Variants in SHB observed in about 807,000 individuals in gnomAD.
The protein encoded by SHB is SH2 domain-containing adapter protein B.
SHB carries 20 observed loss-of-function variants against 52.3 expected under a neutral mutation model. The observed-to-expected ratio is 0.38, with a 90% CI of 0.27 to 0.56. The LOEUF is 0.56. Ranked by LOEUF, SHB falls within the 20% of genes least tolerant of loss-of-function variation. The pLI is 0.71. For missense variants in SHB, 825 were observed against 723.3 expected (o/e 1.14, Z -1.61); for synonymous variants, 397 against 316.5 (o/e 1.25, Z -2.70).
chr9:38,022,911 G>A (rs545611244), intron 1 of SHB, among the ~76,000 whole-genome samples: 1 of 152,216 alleles, frequency 6.6e-6, no homozygotes, highest in African/African-American at 2.4e-5. Context: ...GAGGCTCTAA[G>A]ATGGGCTTCT....
chr9:38,050,354 A>G (rs1329843476), intron 1 of SHB, among the ~76,000 whole-genome samples: 1 of 152,186 alleles, frequency 6.6e-6, no homozygotes, highest in Non-Finnish European at 1.5e-5. Flanking sequence ...TAATAATGAC[A>G]ATCTAATTTG....
chr9:37,936,739 T>C (rs995696480), intron 5 of SHB: 13 of 152,320 alleles, frequency 8.5e-5, no homozygotes, highest in African/African-American at 3.1e-4. Flanking sequence ...GAAAATCTGC[T>C]AGACAAATTC....
At chr9:37,950,247 T>C (rs1197571814) in intron 4 of SHB, among the ~76,000 whole-genome samples, 1 of 151,878 alleles carries the variant, frequency 6.6e-6, no homozygotes, top group Non-Finnish European at 1.5e-5. Context: ...TGATTTTCCT[T>C]GTGTGTGTGT....
At chr9:37,948,313 T>C (rs1293593272) in intron 5 of SHB, among the ~76,000 whole-genome samples, 1 of 152,150 alleles carries the variant, frequency 6.6e-6, no homozygotes, top group African/African-American at 2.4e-5. Context: ...AGGACCATCG[T>C]CGTGGGCTTT....
In SHB at chr9:37,987,544, C is replaced by T. The variant is rs74908460; in HGVS notation, c.839-12707G>A. On this transcript the variant is annotated intron_variant, in intron 2 of 5. Coordinates refer to ENST00000377707, the MANE Select transcript of SHB (RefSeq NM_003028.3). ...CAGGCACTGAAGAGCCCAGTCCCAG[C>T]TCCAGCTCTGTCCGGATCCCACAAG... 7.2e-3 allele frequency among the ~76,000 whole-genome samples: 1,094 copies of T among 152,354 alleles called. 19 individuals carry two copies. The highest frequency in any genetic ancestry group is 0.039 in the Admixed American group (604 of 15,306).
At chr9:38,037,096 G>A (rs780663063) in intron 1 of SHB, among the ~76,000 whole-genome samples, 2 of 152,200 alleles carry the variant, frequency 1.3e-5, no homozygotes, top group Non-Finnish European at 2.9e-5. Flanking sequence ...GTACTGCCCT[G>A]TAGACAGCCT....
rs186201418 is a variant in SHB, at chr9:37,918,374, C to T, written c.*1447G>A. Among the ~76,000 whole-genome samples, 99 of 139,138 alleles carry T rather than the reference C, an allele frequency of 7.1e-4. 1 individual carries two copies. The highest frequency in any genetic ancestry group is 2.4e-3 in the African/African-American group (86 of 35,936). The allele number at this position is 139,138 out of a possible 152,430, so 91.3% of individuals were successfully genotyped here. On this transcript the variant is annotated 3_prime_UTR_variant, in exon 6 of 6. Coordinates refer to ENST00000377707, the MANE Select transcript of SHB (RefSeq NM_003028.3). ...AAGAGAGAGGTCGCGTGTGCGTGTG[C>T]GTGTGTAGGTGTTCTTGTGTGTGGA...
intron 3 of SHB, among the ~76,000 whole-genome samples, chr9:37,966,053 G>T (rs1820515315): frequency 6.6e-6 from 1 of 152,180 alleles, no homozygotes. Flanking sequence ...TGGCCAGGCT[G>T]GTCTCGAGCT....
Position 38,068,604 on chromosome 9 carries a change from G to A in SHB, c.42C>T (p.Ser14=). The change falls in exon 1 of 6, where the codon AGC becomes AGT. Residue 14 remains serine (S), a synonymous_variant. Transcript: ENST00000377707. ...WLNKYFSLGN[S]KTKSPPQPPR... Reference sequence around the variant, plus strand: ...GCGGCTGCGGGGGGCTCTTGGTCTTGCTGTTGCCCAAGCTGAAGTACTTGT... The same window carrying A: ...GCGGCTGCGGGGGGCTCTTGGTCTTACTGTTGCCCAAGCTGAAGTACTTGT... 6.7e-7 allele frequency: 1 copy of A among 1,493,116 alleles called. No homozygotes were observed. The highest frequency in any genetic ancestry group is 2.7e-5 in the East Asian group (1 of 36,458). The allele number at this position is 1,493,116 out of a possible 1,614,324, so 92.5% of individuals were successfully genotyped here. A position where few individuals can be genotyped will look rare whatever the true frequency, so the allele number is the denominator to read the frequency against.
intron 2 of SHB, among the ~76,000 whole-genome samples, chr9:37,998,205 T>TGGAGGGA (rs56670029): frequency 0.15 from 21,621 of 148,940 alleles, 2,011 homozygotes; most frequent in South Asian, 0.23. Context: ...GCAGGCAGCT[T>TGGAGGGA]GGAGGGAGGA....
chr9:38,041,292 G>A (rs1030410768), intron 1 of SHB, among the ~76,000 whole-genome samples: 2 of 152,184 alleles, frequency 1.3e-5, no homozygotes, highest in African/African-American at 4.8e-5. Context: ...CACACGCACC[G>A]GTGAATCCAC....
chr9:37,952,252 A>G (rs1041748620), intron 4 of SHB, among the ~76,000 whole-genome samples: 2 of 152,208 alleles, frequency 1.3e-5, no homozygotes, highest in Non-Finnish European at 2.9e-5. Flanking sequence ...ATGCCCGCTT[A>G]GAAATGAATG....
At chr9:37,968,241 T>C (rs1055005976) in intron 3 of SHB, among the ~76,000 whole-genome samples, 1 of 152,236 alleles carries the variant, frequency 6.6e-6, no homozygotes, top group Non-Finnish European at 1.5e-5. Flanking sequence ...TGTTTTTATT[T>C]AATCAACACA....
At chr9:37,962,414 T>C (rs1486953429) in intron 3 of SHB, among the ~76,000 whole-genome samples, 1 of 152,206 alleles carries the variant, frequency 6.6e-6, no homozygotes, top group Admixed American at 6.5e-5. Flanking sequence ...TCAGCAGGAC[T>C]GTAAATCTTC....
chr9:37,948,760 GAGAGGGCAGAGAGTGGTC>G lies in SHB; in HGVS notation c.1227-24_1227-7del, dbSNP rs753434339. 1 of 1,613,588 alleles carries G rather than the reference GAGAGGGCAGAGAGTGGTC, an allele frequency of 6.2e-7. No homozygotes were observed. The highest frequency in any genetic ancestry group is 8.5e-7 in the Non-Finnish European group (1 of 1,180,002). On this transcript the variant is annotated splice_region_variant and splice_polypyrimidine_tract_variant and intron_variant, in intron 4 of 5. Transcript: ENST00000377707. ...TGATGGCTCCGTGATACCATCTGTGGAGAGGGCAGAGAGTGGTCAGAGCCCAGCGCGATGGGATTCCCA... is the reference window on the plus strand; with the variant it reads ...TGATGGCTCCGTGATACCATCTGTGGAGAGCCCAGCGCGATGGGATTCCCA...
chr9:38,040,219 T>C (rs1260719504), intron 1 of SHB, among the ~76,000 whole-genome samples: 1 of 152,074 alleles, frequency 6.6e-6, no homozygotes, highest in Non-Finnish European at 1.5e-5. Context: ...CACAACTCGA[T>C]GGGGAAAGGC....
chr9:38,013,462 G>C (rs1486702578), intron 2 of SHB, among the ~76,000 whole-genome samples: 1 of 152,196 alleles, frequency 6.6e-6, no homozygotes, highest in Non-Finnish European at 1.5e-5. Context: ...AAATTAGCCT[G>C]GCACGGTGGC....
In SHB at chr9:37,978,634, G is replaced by C. The variant is rs544077088; in HGVS notation, c.839-3797C>G. On this transcript the variant is annotated intron_variant, in intron 2 of 5. Coordinates refer to ENST00000377707, the MANE Select transcript of SHB (RefSeq NM_003028.3). ...CGTCAATATGAGCAGGGCCCCACAG[G>C]GAATTCTGCTCCTTGCCTGGGCATT... Among the ~76,000 whole-genome samples the C allele has an allele frequency of 5.3e-5, 8 of 152,264 alleles. No homozygotes were observed. The East Asian group carries it at 1.5e-3, about 29-fold the overall frequency.
At chr9:37,991,522 T>C (rs1366136153) in intron 2 of SHB, among the ~76,000 whole-genome samples, 1 of 152,260 alleles carries the variant, frequency 6.6e-6, no homozygotes, top group African/African-American at 2.4e-5. Context: ...TACATTTTAA[T>C]TATAACATTC....
Sources: gnomAD v4.1 joint callset for allele counts (sites outside exome capture counted in the v4.1 genomes callset) on GRCh38, gnomAD v4.1.1 for gene constraint, MANE v1.5 for transcripts, NCBI Gene and HGNC (gene_info 2026-07-23, HGNC 2026-07-21) for gene names.